GMEB1: variants seen among roughly 807,000 people sequenced by gnomAD.
The protein encoded by GMEB1 is glucocorticoid modulatory element-binding protein 1.
A neutral mutation model predicts 52.4 loss-of-function variants in GMEB1; 6 were observed. The ratio of observed to expected loss-of-function variants is 0.11; its 90% CI spans 0.06 to 0.23. The LOEUF (loss-of-function observed/expected upper bound fraction) is 0.23. Ranked by LOEUF, GMEB1 falls within the 10% of genes least tolerant of loss-of-function variation. The pLI is 1.00. For missense variants in GMEB1, 486 were observed against 685.6 expected, an observed-to-expected ratio of 0.71 and a Z score of 3.25; for synonymous variants, 255 against 244.9, an observed-to-expected ratio of 1.04 and a Z score of -0.38.
chr1:28,704,854 C>A (rs1001053860), intron 8 of GMEB1, among the ~76,000 whole-genome samples: 9 of 151,922 alleles, frequency 5.9e-5, no homozygotes, highest in African/African-American at 2.2e-4. Context: ...GTGATCCCCC[C>A]GCCTCGGCCT....
chr1:28,703,641 C>T (rs1670615828), intron 7 of GMEB1, among the ~76,000 whole-genome samples: 1 of 151,418 alleles, frequency 6.6e-6, no homozygotes, highest in Admixed American at 6.6e-5. Context: ...GCCTGGGCAA[C>T]AAGAACGAAA....
At chr1:28,679,526 G>A (rs1249405987) in intron 1 of GMEB1, among the ~76,000 whole-genome samples, 1 of 152,102 alleles carries the variant, frequency 6.6e-6, no homozygotes, top group Non-Finnish European at 1.5e-5. Context: ...ATTCTGTACT[G>A]TAATATCTTG....
At chr1:28,705,127 G>C (rs1670688154) in intron 8 of GMEB1, among the ~76,000 whole-genome samples, 1 of 147,302 alleles carries the variant, frequency 6.8e-6, no homozygotes, top group Non-Finnish European at 1.5e-5. Flanking sequence ...GGTAGCTCAC[G>C]CCTGTAATCC....
At chr1:28,693,916 G>A (rs1430059759) in intron 5 of GMEB1, among the ~76,000 whole-genome samples, 1 of 151,958 alleles carries the variant, frequency 6.6e-6, no homozygotes, top group Non-Finnish European at 1.5e-5. Flanking sequence ...ATTTATTAAT[G>A]TAAAAATTAT....
At chr1:28,706,320 A>C (rs540070462) in intron 8 of GMEB1, among the ~76,000 whole-genome samples, 5 of 148,632 alleles carry the variant, frequency 3.4e-5, no homozygotes, top group South Asian at 2.2e-4. Context: ...AAATGGGGTT[A>C]TGGGCCAGGC....
intron 8 of GMEB1, among the ~76,000 whole-genome samples, chr1:28,706,924 C>T (rs550399426): frequency 6.6e-6 from 1 of 150,992 alleles, no homozygotes; most frequent in East Asian, 2.0e-4. Flanking sequence ...GTTTTGGCCT[C>T]CAAAAGTGCT....
At chr1:28,669,354 G>C (rs1008277789) in intron 1 of GMEB1, among the ~76,000 whole-genome samples, 2 of 152,052 alleles carry the variant, frequency 1.3e-5, no homozygotes, top group East Asian at 1.9e-4. Flanking sequence ...TGGAGGCCTG[G>C]GTCCTGCCCA....
chr1:28,706,648 T>A (rs1246896027), intron 8 of GMEB1, among the ~76,000 whole-genome samples: 1 of 150,790 alleles, frequency 6.6e-6, no homozygotes, highest in Non-Finnish European at 1.5e-5. Context: ...ACCTTGTGTA[T>A]TCAGTGAATT....
At position 28,687,371 on chromosome 1, in the gene GMEB1, C is replaced by A. The variant is rs868763396; in HGVS notation, c.129-2733C>A. Among the ~76,000 whole-genome samples the A allele has an allele frequency of 2.1e-3, 69 of 33,524 alleles. 1 individual carries two copies. The highest frequency in any genetic ancestry group is 0.015 in the South Asian group (10 of 678). 22.0% of individuals were successfully genotyped at this position (33,524 alleles called of 152,430 possible). A position where few individuals can be genotyped will look rare whatever the true frequency, so the allele number is the denominator to read the frequency against. The stretch of plus-strand genomic sequence containing the variant: ...ACACACACACACACACACACACACA[C>A]ACACACACACACACACAAAAAAAGA... On this transcript the variant is annotated intron_variant, in intron 2 of 9. Transcript: ENST00000373816.
intron 2 of GMEB1, among the ~76,000 whole-genome samples, chr1:28,689,401 C>A (rs1360566683): frequency 6.6e-6 from 1 of 151,902 alleles, no homozygotes; most frequent in African/African-American, 2.4e-5. Context: ...CCGAGGCAGG[C>A]GGATCACGAG....
intron 1 of GMEB1, among the ~76,000 whole-genome samples, chr1:28,678,185 G>A (rs368571739): frequency 2.0e-5 from 3 of 147,944 alleles, no homozygotes; most frequent in Non-Finnish European, 4.5e-5. Flanking sequence ...GTGAGACTTC[G>A]TCTCAAAAAA....
intron 1 of GMEB1, among the ~76,000 whole-genome samples, chr1:28,669,576 C>G (rs1570367877): frequency 6.6e-6 from 1 of 151,946 alleles, no homozygotes; most frequent in African/African-American, 2.4e-5. Context: ...AAGAGGAGCT[C>G]TAAGGGGAAG....
At chr1:28,694,133 G>C (rs1339464278) in intron 5 of GMEB1, among the ~76,000 whole-genome samples, 2 of 151,062 alleles carry the variant, frequency 1.3e-5, no homozygotes, top group East Asian at 3.9e-4. Flanking sequence ...ACATATGTAA[G>C]TAAAATTTAG....
Position 28,687,375 on chromosome 1 carries a change from C to CAAAAAAA in GMEB1, c.129-2728_129-2727insAAAAAAA, listed in dbSNP as rs1442461404. 2.9e-3 allele frequency among the ~76,000 whole-genome samples: 56 copies of CAAAAAAA among 19,188 alleles called. 7 individuals are homozygous for CAAAAAAA. The highest frequency in any genetic ancestry group is 6.3e-3 in the East Asian group (1 of 160). 12.6% of individuals were successfully genotyped at this position (19,188 alleles called of 152,430 possible). On this transcript the variant is annotated intron_variant, in intron 2 of 9. Transcript: ENST00000373816. ...ACACACACACACACACACACACACA[C>CAAAAAAA]ACACACACACACAAAAAAAGACAGT...
rs1228099342 is a variant in GMEB1 at position 28,718,882 on chromosome 1, T to C, written c.*4109T>C. ...GGTCAGCAAATAAGGGAGATCTTCC[T>C]GGAGAAGGCATATACCTAAGCTGAT... is the stretch of plus-strand genomic sequence containing the variant. On this transcript the variant is annotated 3_prime_UTR_variant, in exon 10 of 10. Coordinates refer to ENST00000373816, the MANE Select transcript of GMEB1 (RefSeq NM_001319674.2). 6.6e-6 allele frequency: 1 copy of C among 152,198 alleles called. No individual in the cohort carries two copies. The highest frequency in any genetic ancestry group is 1.5e-5 in the Non-Finnish European group (1 of 68,042). 9.4% of individuals were successfully genotyped at this position (152,198 alleles called of 1,614,324 possible). A position where few individuals can be genotyped will look rare whatever the true frequency, so the allele number is the denominator to read the frequency against.
At position 28,717,945 on chromosome 1, in the gene GMEB1, T is replaced by C. The variant is rs1350101098; in HGVS notation, c.*3172T>C. ...AAGAGATTTCCTCAAACAGCCTGTT[T>C]ACTAGATGAATTTTCCAGCTGGTGA... is the stretch of plus-strand genomic sequence containing the variant. On this transcript the variant is annotated 3_prime_UTR_variant, in exon 10 of 10. Transcript: ENST00000373816. 3.3e-5 allele frequency: 5 copies of C among 152,204 alleles called. No individual in the cohort carries two copies. The highest frequency in any genetic ancestry group is 9.6e-5 in the African/African-American group (4 of 41,468). 9.4% of individuals were successfully genotyped at this position (152,204 alleles called of 1,614,324 possible).
chr1:28,676,615 A>G (rs1466482556), intron 1 of GMEB1, among the ~76,000 whole-genome samples: 2 of 152,036 alleles, frequency 1.3e-5, no homozygotes, highest in Admixed American at 6.6e-5. Flanking sequence ...AGTCTCAGCT[A>G]CTTGGGAGGC....
chr1:28,704,466 A>G (rs1670654149), intron 8 of GMEB1, 137 bp downstream of exon 8: 1 of 603,212 alleles, frequency 1.7e-6, no homozygotes. Context: ...TAAGGCTCAT[A>G]TAAGTTAAGT....
chr1:28,674,750 G>A (rs1416571970), intron 1 of GMEB1, among the ~76,000 whole-genome samples: 3 of 101,052 alleles, frequency 3.0e-5, no homozygotes, highest in East Asian at 3.2e-4. Flanking sequence ...ACGGAGTCTC[G>A]CTCTGTCGCC....
Sources: allele counts gnomAD v4.1 joint callset (sites outside exome capture counted in the v4.1 genomes callset), GRCh38; gene constraint gnomAD v4.1.1; transcripts MANE v1.5; gene names NCBI Gene and HGNC (gene_info 2026-07-23, HGNC 2026-07-21).